The following FOCAD variants were observed in gnomAD, a reference collection of about 807,000 sequenced individuals.
The protein encoded by FOCAD is focadhesin.
FOCAD carries 198 observed loss-of-function variants against 225.6 expected under a neutral mutation model. The observed-to-expected ratio is 0.88, with a 90% CI of 0.78 to 0.99. The LOEUF is 0.99. Among genes scored for constraint, FOCAD ranks in the 50% least tolerant of loss-of-function variants. The pLI, the probability that FOCAD is intolerant of heterozygous loss-of-function variation, is 0.00. For synonymous variants in FOCAD, 897 were observed against 755.0 expected, an observed-to-expected ratio of 1.19 and a Z score of -3.08; for missense variants, 2,713 against 2,123.6, an observed-to-expected ratio of 1.28 and a Z score of -5.46.
At chr9:20,758,982 CAGAG>C (rs1409374385) in intron 6 of FOCAD, among the ~76,000 whole-genome samples, 1 of 152,076 alleles carries the variant, frequency 6.6e-6, no homozygotes, top group Admixed American at 6.6e-5. Context: ...AACAGACAAA[CAGAG>C]AGCCAAATCA....
intron 18 of FOCAD, among the ~76,000 whole-genome samples, chr9:20,867,578 T>A (rs527558621): frequency 6.6e-6 from 1 of 152,166 alleles, no homozygotes; most frequent in Admixed American, 6.6e-5. Flanking sequence ...ATTATCTTAG[T>A]TTTTAGACTA....
chr9:20,849,102 A>G (rs1366373741), intron 15 of FOCAD, among the ~76,000 whole-genome samples: 1 of 151,988 alleles, frequency 6.6e-6, no homozygotes, highest in East Asian at 1.9e-4. Flanking sequence ...AAAGGATTTT[A>G]TTAATGGCCA....
Position 20,993,313 on chromosome 9 carries a change from AGG to A in FOCAD, c.5319_5320del (p.Asp1774SerfsTer16). The A allele has an allele frequency of 6.2e-7, 1 of 1,613,780 alleles. No homozygotes were observed. Among genetic ancestry groups the A allele is most frequent in the Non-Finnish European group, 8.5e-7 (1 of 1,179,716 alleles). On this transcript the variant is annotated frameshift_variant, in exon 43 of 44. Transcript: ENST00000338382. LOFTEE classifies it high-confidence loss of function. ...TAAAGAAGCCCTCTCAGCACAGTCC[AGG>A]GATCTTTTGAAAGGTATTACTTCCA... ...SPKEALSAQS[R>X]DLLKATLLSL...
At position 20,812,970 on chromosome 9, in the gene FOCAD, T is replaced by A. The variant is rs567230802; in HGVS notation, c.1456-6826T>A. 2.0e-3 allele frequency among the ~76,000 whole-genome samples: 297 copies of A among 152,174 alleles called. 1 individual carries two copies. Among genetic ancestry groups the A allele is most frequent in the Admixed American group, 3.3e-3 (51 of 15,270 alleles). Reference sequence around the variant, plus strand: ...TTTTTGTACGGTGGATCTCTAGAACTTTTTTTATTTTGCATGACTGAAACT... The same window carrying A: ...TTTTTGTACGGTGGATCTCTAGAACATTTTTTATTTTGCATGACTGAAACT... On this transcript the variant is annotated intron_variant, in intron 11 of 43. Coordinates refer to ENST00000338382, the MANE Select transcript of FOCAD (RefSeq NM_001375567.1).
At chr9:20,722,686 C>T (rs550631923) in intron 4 of FOCAD, among the ~76,000 whole-genome samples, 87 of 152,282 alleles carry the variant, frequency 5.7e-4, no homozygotes, top group African/African-American at 1.7e-3. Context: ...TAGAATAATT[C>T]TATTGTATAC....
chr9:20,844,504 G>A (rs1826882900), intron 15 of FOCAD, among the ~76,000 whole-genome samples: 1 of 151,676 alleles, frequency 6.6e-6, no homozygotes, highest in South Asian at 2.1e-4. Context: ...GGGACTACAG[G>A]CATGTGCCAC....
intron 35 of FOCAD, among the ~76,000 whole-genome samples, chr9:20,969,699 A>G (rs1411770622): frequency 4.2e-3 from 1 of 236 alleles, no homozygotes; most frequent in Admixed American, 0.083. Context: ...TTATAAAACA[A>G]AAATATAAAA....
chr9:20,792,046 C>T (rs1820591849), intron 11 of FOCAD, among the ~76,000 whole-genome samples: 1 of 152,088 alleles, frequency 6.6e-6, no homozygotes, highest in Non-Finnish European at 1.5e-5. Flanking sequence ...CCTCTGGCCA[C>T]CTGGTATGTA....
intron 37 of FOCAD, among the ~76,000 whole-genome samples, chr9:20,979,494 G>A (rs558889130): frequency 3.3e-5 from 5 of 152,068 alleles, no homozygotes; most frequent in Middle Eastern, 3.4e-3. Context: ...GTGCACCACC[G>A]TGCCCATCTA....
chr9:20,783,396 C>T (rs1229657639), intron 10 of FOCAD, among the ~76,000 whole-genome samples: 3 of 151,536 alleles, frequency 2.0e-5, no homozygotes, highest in Non-Finnish European at 2.9e-5. Context: ...TTTTTTCCTG[C>T]ACCTATCTGG....
At chr9:20,965,256 A>T (rs75883729) in intron 35 of FOCAD, among the ~76,000 whole-genome samples, 64 of 152,268 alleles carry the variant, frequency 4.2e-4, no homozygotes, top group Non-Finnish European at 7.9e-4. Flanking sequence ...GCCAATGTCT[A>T]TGTAGCAGTT....
At chr9:20,748,846 C>T (rs1479552212) in intron 5 of FOCAD, among the ~76,000 whole-genome samples, 1 of 152,138 alleles carries the variant, frequency 6.6e-6, no homozygotes, top group African/African-American at 2.4e-5. Context: ...TTAGAATAAG[C>T]TGCACCCATC....
chr9:20,952,734 C>T (rs748665504), intron 34 of FOCAD, among the ~76,000 whole-genome samples: 10 of 151,982 alleles, frequency 6.6e-5, no homozygotes, highest in African/African-American at 1.2e-4. Context: ...GTTCATCCTC[C>T]GTAATTTTTT....
At chr9:20,693,058 T>A (rs150058629) in intron 1 of FOCAD, among the ~76,000 whole-genome samples, 3 of 152,270 alleles carry the variant, frequency 2.0e-5, no homozygotes, top group African/African-American at 7.2e-5. Context: ...CCCCAAACTC[T>A]CCAGTGGCTT....
At chr9:20,859,561 T>C (rs1196272990) in intron 15 of FOCAD, among the ~76,000 whole-genome samples, 1 of 150,820 alleles carries the variant, frequency 6.6e-6, no homozygotes, top group Non-Finnish European at 1.5e-5. Flanking sequence ...AATTAATGTC[T>C]TTTATTAATT....
At position 20,843,076 on chromosome 9, in the gene FOCAD, ATGT is replaced by A. The variant is rs1203104244; in HGVS notation, c.1921-19499_1921-19497del. Among the ~76,000 whole-genome samples, 3 of 151,962 alleles carry A rather than the reference ATGT, an allele frequency of 2.0e-5. No homozygotes were observed. In the East Asian group the frequency reaches 5.8e-4, roughly 29 times the overall value. On this transcript the variant is annotated intron_variant, in intron 15 of 43. Coordinates refer to ENST00000338382, the MANE Select transcript of FOCAD (RefSeq NM_001375567.1). ...ATCTTATATACTATGTGTTAAAAAG[ATGT>A]TGGTATTATTTTTGATAGCTTTATT...
rs924359048 is a variant in FOCAD at position 20,820,313 on chromosome 9, A to G, written c.1561-11A>G. ...AGTTTATGCAACTAGAGTTTCTTCAATATTTTCTAGGTGTGTATAGGACAA... is the reference window on the plus strand; with the variant it reads ...AGTTTATGCAACTAGAGTTTCTTCAGTATTTTCTAGGTGTGTATAGGACAA... On this transcript the variant is annotated splice_polypyrimidine_tract_variant and intron_variant, in intron 12 of 43. Coordinates refer to ENST00000338382, the MANE Select transcript of FOCAD (RefSeq NM_001375567.1). The G allele has an allele frequency of 2.5e-6, 4 of 1,591,572 alleles. No individual in the cohort carries two copies. Among genetic ancestry groups the G allele is most frequent in the Non-Finnish European group, 2.6e-6 (3 of 1,168,494 alleles).
In FOCAD at chr9:20,705,788, G is replaced by A. The variant is rs573775394; in HGVS notation, c.-32-9534G>A. Among the ~76,000 whole-genome samples, 9 of 151,066 alleles carry A rather than the reference G, an allele frequency of 6.0e-5. No homozygotes were observed. In the South Asian group the frequency reaches 1.7e-3, roughly 28 times the overall value. On this transcript the variant is annotated intron_variant, in intron 1 of 43. Coordinates refer to ENST00000338382, the MANE Select transcript of FOCAD (RefSeq NM_001375567.1). The stretch of plus-strand genomic sequence containing the variant: ...CTGAAAAAATTCTAGAGATTCATAA[G>A]CCCTTAGATTTTAAAAAATAACTAT...
intron 2 of FOCAD, among the ~76,000 whole-genome samples, chr9:20,671,885 A>T (rs1184637851): frequency 6.6e-6 from 1 of 151,940 alleles, no homozygotes; most frequent in Non-Finnish European, 1.5e-5. Flanking sequence ...AATTGTGTAC[A>T]CCTCTTTCAA....
Sources: gnomAD v4.1 joint callset for allele counts (sites outside exome capture counted in the v4.1 genomes callset) on GRCh38, gnomAD v4.1.1 for gene constraint, MANE v1.5 for transcripts, NCBI Gene and HGNC (gene_info 2026-07-23, HGNC 2026-07-21) for gene names.